CENPC: variants seen among roughly 807,000 people sequenced by gnomAD.
CENPC encodes the protein CENP-C 1.
CENPC carries 63 observed loss-of-function variants against 112.1 expected under a neutral mutation model. That is an observed-to-expected ratio of 0.56 (90% CI 0.46 to 0.69). CENPC has a LOEUF of 0.69. Among genes scored for constraint, CENPC ranks in the 30% least tolerant of loss-of-function variants. CENPC has a pLI of 0.00. For synonymous variants in CENPC, 333 were observed against 367.6 expected (o/e 0.91, Z 1.08); for missense variants, 1,000 against 1,103.8 (o/e 0.91, Z 1.33).
chr4:67,490,008 G>C lies in CENPC; in HGVS notation c.2629C>G (p.Gln877Glu). Residue 877 changes from glutamine to glutamate, a missense_variant, in exon 17 of 19, where the codon CAA becomes GAA. Coordinates refer to ENST00000273853, the MANE Select transcript of CENPC (RefSeq NM_001812.4). ...FSTGKLILGP[Q>E]EEKGKQHVGQ... Reference sequence around the variant, plus strand: ...ACATGCTGCTTTCCCTTTTCTTCTTGTGGTCCTAATATCAATTTCCCAGTA... The same window carrying C: ...ACATGCTGCTTTCCCTTTTCTTCTTCTGGTCCTAATATCAATTTCCCAGTA... 1 of 1,597,472 alleles carries C rather than the reference G, an allele frequency of 6.3e-7. No individual in the cohort carries two copies. The highest frequency in any genetic ancestry group is 2.3e-5 in the East Asian group (1 of 44,352).
chr4:67,524,819 G>GA (rs1424015867), intron 5 of CENPC, among the ~76,000 whole-genome samples: 1 of 151,998 alleles, frequency 6.6e-6, no homozygotes, highest in Non-Finnish European at 1.5e-5. Flanking sequence ...CACAGAACTA[G>GA]AAAAAACTAC....
intron 18 of CENPC, among the ~76,000 whole-genome samples, chr4:67,473,981 A>G (rs1023676207): frequency 1.3e-5 from 2 of 152,224 alleles, no homozygotes; most frequent in Admixed American, 1.3e-4. Context: ...ATAATGTTCT[A>G]AAAACATAAT....
intron 13 of CENPC, among the ~76,000 whole-genome samples, chr4:67,494,901 A>G (rs1725388141): frequency 6.6e-6 from 1 of 152,178 alleles, no homozygotes; most frequent in African/African-American, 2.4e-5. Flanking sequence ...CTTCATAGCT[A>G]AGGGAGGATC....
chr4:67,475,058 G>A (rs1724766193), intron 17 of CENPC, 80 bp from the exon 18 acceptor site: 1 of 611,064 alleles, frequency 1.6e-6, no homozygotes, highest in African/African-American at 1.9e-5. Flanking sequence ...GTAGTGGGAA[G>A]AATAACGACT....
rs1222706477 is a variant in CENPC at position 67,470,091 on chromosome 4, G to A, written c.*2514C>T. 6.6e-6 allele frequency: 1 copy of A among 152,122 alleles called. No homozygotes were observed. The highest frequency in any genetic ancestry group is 1.5e-5 in the Non-Finnish European group (1 of 68,032). 9.4% of individuals were successfully genotyped at this position (152,122 alleles called of 1,614,324 possible). A position where few individuals can be genotyped will look rare whatever the true frequency, so the allele number is the denominator to read the frequency against. ...TGTGACTACTGTATCAGCCATTATA[G>A]CCCTAGAAGTTGGCTGAACAGTTGG... is the stretch of plus-strand genomic sequence containing the variant. On this transcript the variant is annotated 3_prime_UTR_variant, in exon 19 of 19. Coordinates refer to ENST00000273853, the MANE Select transcript of CENPC (RefSeq NM_001812.4).
intron 17 of CENPC, among the ~76,000 whole-genome samples, chr4:67,478,288 G>GAA: frequency 6.6e-6 from 1 of 152,190 alleles, no homozygotes; most frequent in Non-Finnish European, 1.5e-5. Flanking sequence ...AATCTTAAGA[G>GAA]CTGTGAGGCC....
rs1726527315 is a variant in CENPC at position 67,530,835 on chromosome 4, C to T, written c.311G>A (p.Ser104Asn). Residue 104 changes from serine to asparagine, a missense_variant, in exon 5 of 19, where the codon AGT becomes AAT. By Grantham distance (46) the Ser-to-Asn change is conservative. Transcript: ENST00000273853. ...EASLQFVVEP[S>N]EATNRSVQAH... is the part of the protein sequence containing the mutation. ...CCAACCTGATCTGTTTGTGGCTTCA[C>T]TTGGTTCTACAACAAACTGTAGAGA... 3.8e-6 allele frequency: 6 copies of T among 1,596,414 alleles called. No individual in the cohort carries two copies. Among genetic ancestry groups the T allele is most frequent in the Non-Finnish European group, 5.1e-6 (6 of 1,169,974 alleles).
At chr4:67,521,022 CAAATAAATAAATAAAT>C (rs79427742) in intron 5 of CENPC, among the ~76,000 whole-genome samples, 3 of 150,008 alleles carry the variant, frequency 2.0e-5, no homozygotes, top group East Asian at 1.9e-4. Context: ...AAAAAATAAA[CAAATAAATAAATAAAT>C]AAATAAATAA....
intron 5 of CENPC, among the ~76,000 whole-genome samples, chr4:67,522,764 C>T (rs1726263277): frequency 1.3e-5 from 2 of 152,122 alleles, no homozygotes; most frequent in Admixed American, 1.3e-4. Flanking sequence ...CTTTGGGAGG[C>T]CAAGGTGGGT....
intron 13 of CENPC, among the ~76,000 whole-genome samples, chr4:67,494,509 TCA>T (rs1249219559): frequency 6.6e-6 from 1 of 152,112 alleles, no homozygotes; most frequent in Non-Finnish European, 1.5e-5. Flanking sequence ...CAGTCTCTCA[TCA>T]CATAGGCCCA....
chr4:67,486,777 G>A (rs1404261391), intron 17 of CENPC, among the ~76,000 whole-genome samples: 1 of 152,094 alleles, frequency 6.6e-6, no homozygotes, highest in Non-Finnish European at 1.5e-5. Flanking sequence ...GTTTCACCTG[G>A]TTCTTTTTTA....
intron 7 of CENPC, among the ~76,000 whole-genome samples, chr4:67,515,481 A>G (rs1216007313): frequency 2.0e-5 from 3 of 151,160 alleles, no homozygotes; most frequent in Middle Eastern, 3.2e-3. Flanking sequence ...GAAAAAAAAA[A>G]AGAGAGAGAG....
At chr4:67,473,918 A>C (rs1724736653) in intron 18 of CENPC, among the ~76,000 whole-genome samples, 1 of 152,190 alleles carries the variant, frequency 6.6e-6, no homozygotes, top group African/African-American at 2.4e-5. Flanking sequence ...TATTTACAAT[A>C]ACTTCTGCTG....
chr4:67,540,835 G>A, intron 3 of CENPC, 145 bp downstream of exon 3: 2 of 647,144 alleles, frequency 3.1e-6, no homozygotes, highest in East Asian at 2.9e-5. Flanking sequence ...ACAAAGGATT[G>A]CATATGAACT....
chr4:67,527,493 C>CTTTTTTTTT (rs11317672), intron 5 of CENPC, among the ~76,000 whole-genome samples: 1 of 68,080 alleles, frequency 1.5e-5, no homozygotes, highest in Non-Finnish European at 2.6e-5. Flanking sequence ...TCACCCCATC[C>CTTTTTTTTT]TTTTTTTTTT....
At chr4:67,500,286 G>A (rs1299585642) in intron 12 of CENPC, among the ~76,000 whole-genome samples, 1 of 152,084 alleles carries the variant, frequency 6.6e-6, no homozygotes, top group African/African-American at 2.4e-5. Flanking sequence ...AACAAGGTAT[G>A]CCTGTATAAA....
chr4:67,516,735 T>C (rs1324936070), intron 7 of CENPC, among the ~76,000 whole-genome samples: 1 of 151,914 alleles, frequency 6.6e-6, no homozygotes, highest in Non-Finnish European at 1.5e-5. Context: ...ACTATGAAAG[T>C]TTACAATAGG....
At chr4:67,544,241 C>T (rs1464725043) in intron 1 of CENPC, 46 bp from the exon 2 acceptor site, 2 of 1,065,436 alleles carry the variant, frequency 1.9e-6, no homozygotes, top group East Asian at 2.4e-5. Flanking sequence ...AAGATAGAGT[C>T]GAGTAAAATT....
At chr4:67,489,324 C>T (rs763448380) in intron 17 of CENPC, among the ~76,000 whole-genome samples, 8 of 151,800 alleles carry the variant, frequency 5.3e-5, no homozygotes, top group Non-Finnish European at 1.0e-4. Context: ...AAGATAGAAA[C>T]TGACTCACCT....
Sources: allele counts gnomAD v4.1 joint callset (sites outside exome capture counted in the v4.1 genomes callset), GRCh38; gene constraint gnomAD v4.1.1; transcripts MANE v1.5; gene names NCBI Gene and HGNC (gene_info 2026-07-23, HGNC 2026-07-21).